Variants in SARM1 observed in about 807,000 individuals in gnomAD.
SARM1 encodes the protein NAD(+) hydrolase SARM1.
Under a neutral mutation model 65.1 loss-of-function variants are expected in SARM1, and 60 were observed. That is an observed-to-expected ratio of 0.92 (90% CI 0.75 to 1.14). SARM1 has a LOEUF of 1.14. SARM1 is among the 50% of genes most tolerant of loss of function. SARM1 has a pLI of 0.00. For synonymous variants in SARM1, 417 were observed against 465.4 expected (o/e 0.90, Z 1.34); for missense variants, 913 against 1,015.7 (o/e 0.90, Z 1.37).
rs2068216962 is a variant in SARM1, at chr17:28,403,095, G to A, written c.*6809G>A. On this transcript the variant is annotated 3_prime_UTR_variant, in exon 9 of 9. Coordinates refer to ENST00000585482, the MANE Select transcript of SARM1 (RefSeq NM_015077.4). ...AGCAGCCCCAGAAGCTGGAAGAAAT[G>A]AGAAACACGTTCTCTCCTGGAGGCT... The A allele has an allele frequency of 6.6e-6, 1 of 152,308 alleles. No individual in the cohort carries two copies. Among genetic ancestry groups the A allele is most frequent in the South Asian group, 2.1e-4 (1 of 4,834 alleles). 9.4% of individuals were successfully genotyped at this position (152,308 alleles called of 1,614,324 possible). A position where few individuals can be genotyped will look rare whatever the true frequency, so the allele number is the denominator to read the frequency against.
At chr17:28,378,012 T>C (rs1478941237) in intron 1 of SARM1, among the ~76,000 whole-genome samples, 1 of 152,138 alleles carries the variant, frequency 6.6e-6, no homozygotes, top group African/African-American at 2.4e-5. Context: ...GTGGAAGACA[T>C]CATTTGTGGA....
In SARM1 at chr17:28,396,209, C is replaced by G. The variant is rs1555587925; in HGVS notation, c.2098C>G (p.Gln700Glu). The G allele has an allele frequency of 2.5e-6, 4 of 1,614,010 alleles. No individual in the cohort carries two copies. The highest frequency in any genetic ancestry group is 1.1e-5 in the South Asian group (1 of 91,088). The change falls in exon 9 of 9, where the codon CAG becomes GAG. Residue 700 changes from glutamine to glutamate, a missense_variant. Coordinates refer to ENST00000585482, the MANE Select transcript of SARM1 (RefSeq NM_015077.4). ...ATIEKIIRFL[Q>E]GRSSRDSSAG... ...CATTGAGAAGATCATCCGCTTCCTGCAGGGCCGCTCCTCCCGGGACTCATC... is the reference window on the plus strand; with the variant it reads ...CATTGAGAAGATCATCCGCTTCCTGGAGGGCCGCTCCTCCCGGGACTCATC...
At position 28,400,927 on chromosome 17, in the gene SARM1, G is replaced by C; in HGVS notation, c.*4641G>C. 1.4e-6 allele frequency: 1 copy of C among 704,964 alleles called. No individual in the cohort carries two copies. The highest frequency in any genetic ancestry group is 2.5e-6 in the Non-Finnish European group (1 of 399,288). The allele number at this position is 704,964 out of a possible 1,614,324, so 43.7% of individuals were successfully genotyped here. A position where few individuals can be genotyped will look rare whatever the true frequency, so the allele number is the denominator to read the frequency against. ...CATCATGTACTGTGACAAGGATTCA[G>C]TAAGGTCATATGTGGACAGTAGCTG... On this transcript the variant is annotated 3_prime_UTR_variant, in exon 9 of 9. Transcript: ENST00000585482.
Position 28,371,856 on chromosome 17 carries a change from C to T in SARM1, c.-177C>T. 2.1e-6 allele frequency: 1 copy of T among 470,220 alleles called. No homozygotes were observed. Among genetic ancestry groups the T allele is most frequent in the Non-Finnish European group, 3.7e-6 (1 of 269,690 alleles). The allele number at this position is 470,220 out of a possible 1,614,324, so 29.1% of individuals were successfully genotyped here. On this transcript the variant is annotated 5_prime_UTR_variant, in exon 1 of 9. Coordinates refer to ENST00000585482, the MANE Select transcript of SARM1 (RefSeq NM_015077.4). The stretch of plus-strand genomic sequence containing the variant: ...ACCTTTGCCAACCGCTCCCCCGATC[C>T]TGCCGACACTCCTCCCCCAAACTTC...
chr17:28,394,255 G>A (rs1025888500), intron 7 of SARM1, among the ~76,000 whole-genome samples: 8 of 152,218 alleles, frequency 5.3e-5, no homozygotes, highest in South Asian at 2.1e-4. Flanking sequence ...GAAGACAAGC[G>A]TGGATGAGGA....
rs1263032126 is a variant in SARM1, at chr17:28,385,964, T to C, written c.1630+689T>C. On this transcript the variant is annotated intron_variant, in intron 5 of 8. Transcript: ENST00000585482. The surrounding 1 kb of genome is among the most constrained non-coding windows in gnomAD (Gnocchi z 4.5). ...AGTGTTCAGTTTTTAAAATCAACCTTAAAGAACTCTTGAAAGAATAAAAAG... is the reference window on the plus strand; with the variant it reads ...AGTGTTCAGTTTTTAAAATCAACCTCAAAGAACTCTTGAAAGAATAAAAAG... Among the ~76,000 whole-genome samples the C allele has an allele frequency of 6.6e-6, 1 of 152,162 alleles. No homozygotes were observed. Among genetic ancestry groups the C allele is most frequent in the Non-Finnish European group, 1.5e-5 (1 of 68,020 alleles).
At chr17:28,376,690 AAACT>A (rs1259096519) in intron 1 of SARM1, among the ~76,000 whole-genome samples, 3 of 151,666 alleles carry the variant, frequency 2.0e-5, no homozygotes, top group Non-Finnish European at 4.4e-5. Flanking sequence ...GGCTGGTCTC[AAACT>A]CCTGGACTCA....
chr17:28,382,066 A>T (rs1292492293), intron 2 of SARM1, among the ~76,000 whole-genome samples: 2 of 152,090 alleles, frequency 1.3e-5, no homozygotes, highest in Non-Finnish European at 2.9e-5. Context: ...TACAAAGATC[A>T]TCCTAGCTGC....
chr17:28,386,768 C>G (rs1329061557), intron 5 of SARM1: 1 of 152,170 alleles, frequency 6.6e-6, no homozygotes, highest in Non-Finnish European at 1.5e-5. Flanking sequence ...GAGACAAGGT[C>G]TCATTCTGTC....
chr17:28,380,057 C>CTTTTTTTTTTTTTTTTTTTTTTTTTTTCT (rs61029083), intron 1 of SARM1, among the ~76,000 whole-genome samples: 1 of 106,096 alleles, frequency 9.4e-6, no homozygotes, highest in African/African-American at 3.7e-5. Flanking sequence ...TTTTTCTTTT[C>CTTTTTTTTTTTTTTTTTTTTTTTTTTTCT]TTTTTTTTTT....
chr17:28,384,336 C>G lies in SARM1; in HGVS notation c.1090-21C>G. 1 of 1,549,580 alleles carries G rather than the reference C, an allele frequency of 6.5e-7. No individual in the cohort carries two copies. The stretch of plus-strand genomic sequence containing the variant: ...TGGAGAGCTGGTGGGACCTACAGCC[C>G]TCTCCCCACTCCCTCCCTAGGTGTT... On this transcript the variant is annotated intron_variant, in intron 2 of 8. Coordinates refer to ENST00000585482, the MANE Select transcript of SARM1 (RefSeq NM_015077.4). The surrounding 1 kb of genome is among the most constrained non-coding windows in gnomAD (Gnocchi z 4.4).
At chr17:28,378,435 C>G (rs1240789139) in intron 1 of SARM1, among the ~76,000 whole-genome samples, 5 of 152,216 alleles carry the variant, frequency 3.3e-5, no homozygotes, top group Non-Finnish European at 7.3e-5. Flanking sequence ...TTCTCTTGCC[C>G]TAACTCCATA....
chr17:28,385,288 A>T lies in SARM1; in HGVS notation c.1630+13A>T. The T allele has an allele frequency of 6.6e-7, 1 of 1,506,172 alleles. No homozygotes were observed. Among genetic ancestry groups the T allele is most frequent in the South Asian group, 1.3e-5 (1 of 79,692 alleles). 93.3% of individuals were successfully genotyped at this position (1,506,172 alleles called of 1,614,324 possible). ...ACGGCGGCCAGAGGTCAGCCCGCTC[A>T]CCCGGGACCCCGCCCCAGCCCCAGC... On this transcript the variant is annotated intron_variant, in intron 5 of 8. Coordinates refer to ENST00000585482, the MANE Select transcript of SARM1 (RefSeq NM_015077.4). The surrounding 1 kb of genome is among the most constrained non-coding windows in gnomAD (Gnocchi z 4.5).
chr17:28,394,390 A>G (rs2068097483), intron 7 of SARM1, among the ~76,000 whole-genome samples: 3 of 152,244 alleles, frequency 2.0e-5, no homozygotes, highest in African/African-American at 7.2e-5. Context: ...ATGATGGATC[A>G]ACCTGTACGC....
intron 5 of SARM1, chr17:28,386,772 T>C (rs2068051986): frequency 6.6e-6 from 1 of 152,192 alleles, no homozygotes; most frequent in Admixed American, 6.5e-5. Context: ...CAAGGTCTCA[T>C]TCTGTCACCT....
At chr17:28,376,050 G>A (rs1555584551) in intron 1 of SARM1, among the ~76,000 whole-genome samples, 2 of 152,116 alleles carry the variant, frequency 1.3e-5, no homozygotes, top group African/African-American at 4.8e-5. Context: ...CATTTCACCA[G>A]ACCCACAGCC....
Position 28,402,477 on chromosome 17 carries a change from A to T in SARM1, c.*6191A>T. On this transcript the variant is annotated 3_prime_UTR_variant, in exon 9 of 9. Coordinates refer to ENST00000585482, the MANE Select transcript of SARM1 (RefSeq NM_015077.4). Reference sequence around the variant, plus strand: ...GAGGGTGGGAAGACAGTAGTCAAGGAGGAATGGAGACTGCCCTTGTCTGGG... The same window carrying T: ...GAGGGTGGGAAGACAGTAGTCAAGGTGGAATGGAGACTGCCCTTGTCTGGG... The T allele has an allele frequency of 1.7e-6, 1 of 605,784 alleles. No homozygotes were observed. The allele number at this position is 605,784 out of a possible 1,614,324, so 37.5% of individuals were successfully genotyped here. A position where few individuals can be genotyped will look rare whatever the true frequency, so the allele number is the denominator to read the frequency against.
In SARM1 at chr17:28,402,568, T is replaced by C. The variant is rs1555589868; in HGVS notation, c.*6282T>C. 2.0e-4 allele frequency: 79 copies of C among 396,386 alleles called. 1 individual carries two copies. In the East Asian group the frequency reaches 3.6e-3, roughly 18 times the overall value. 24.6% of individuals were successfully genotyped at this position (396,386 alleles called of 1,614,324 possible). A position where few individuals can be genotyped will look rare whatever the true frequency, so the allele number is the denominator to read the frequency against. On this transcript the variant is annotated 3_prime_UTR_variant, in exon 9 of 9. Transcript: ENST00000585482. Reference sequence around the variant, plus strand: ...CATTGATTGCTTTCTTGTCTGAACCTCTTGTGGTCACAGCAGGCATCACCC... The same window carrying C: ...CATTGATTGCTTTCTTGTCTGAACCCCTTGTGGTCACAGCAGGCATCACCC...
rs41297113 is a variant in SARM1, at chr17:28,400,488, G to A, written c.*4202G>A. On this transcript the variant is annotated 3_prime_UTR_variant, in exon 9 of 9. Coordinates refer to ENST00000585482, the MANE Select transcript of SARM1 (RefSeq NM_015077.4). ...ATCTGCAAGGAGAGGGGCAACCTGG[G>A]ACAAGACACCCAGAGGGTAAGGATT... is the stretch of plus-strand genomic sequence containing the variant. The A allele has an allele frequency of 1.6e-4, 221 of 1,377,302 alleles. No individual in the cohort carries two copies. In the African/African-American group the frequency reaches 2.8e-3, roughly 17 times the overall value. 85.3% of individuals were successfully genotyped at this position (1,377,302 alleles called of 1,614,324 possible). A position where few individuals can be genotyped will look rare whatever the true frequency, so the allele number is the denominator to read the frequency against.
Sources: allele counts gnomAD v4.1 joint callset (sites outside exome capture counted in the v4.1 genomes callset), GRCh38; gene constraint gnomAD v4.1.1; non-coding constraint Gnocchi (gnomAD v3.1); transcripts MANE v1.5; gene names NCBI Gene and HGNC (gene_info 2026-07-23, HGNC 2026-07-21).